The following NRP2 variants were observed in gnomAD, a reference collection of about 807,000 sequenced individuals.
NRP2 encodes the protein neuropilin-2.
NRP2 carries 52 observed loss-of-function variants against 110.4 expected under a neutral mutation model. That is an observed-to-expected ratio of 0.47 (90% CI 0.38 to 0.59). The LOEUF (loss-of-function observed/expected upper bound fraction) is 0.59, where lower values mean the gene tolerates loss of function less well. Among genes scored for constraint, NRP2 ranks in the 20% least tolerant of loss-of-function variants. The pLI, the probability that NRP2 is intolerant of heterozygous loss-of-function variation, is 0.00. For missense variants in NRP2, 1,049 were observed against 1,203.0 expected (o/e 0.87, Z 1.89); for synonymous variants, 508 against 468.9 (o/e 1.08, Z -1.08).
At chr2:205,734,818 C>T (rs1037279045) in intron 7 of NRP2, among the ~76,000 whole-genome samples, 23 of 152,192 alleles carry the variant, frequency 1.5e-4, no homozygotes, top group Admixed American at 3.3e-4. Flanking sequence ...ATCTCGTGCA[C>T]AATGTCTACC....
chr2:205,685,536 G>A (rs573592515), intron 1 of NRP2, among the ~76,000 whole-genome samples: 3 of 152,246 alleles, frequency 2.0e-5, no homozygotes, highest in Non-Finnish European at 4.4e-5. Flanking sequence ...GCGCGGGGGA[G>A]CAACTGAGCA....
At chr2:205,723,969 C>T in intron 5 of NRP2, 29 bp downstream of exon 5, 1 of 1,613,558 alleles carries the variant, frequency 6.2e-7, no homozygotes, top group Non-Finnish European at 8.5e-7. Context: ...AACCTCTGTC[C>T]TGTCCTTCCG....
Position 205,686,266 on chromosome 2 carries a change from G to A in NRP2, c.73+2903G>A, listed in dbSNP as rs1383316696. On this transcript the variant is annotated intron_variant, in intron 1 of 16. Coordinates refer to ENST00000357785, the MANE Select transcript of NRP2 (RefSeq NM_003872.3). The surrounding 1 kb of genome is among the most constrained non-coding windows in gnomAD (Gnocchi z 4.7). ...AGGACACCCCCAGGGAAAAGCCTGC[G>A]GCATTTCTTCAACGCTGCCCTATGC... 6.6e-6 allele frequency among the ~76,000 whole-genome samples: 1 copy of A among 152,118 alleles called. No homozygotes were observed. Among genetic ancestry groups the A allele is most frequent in the African/African-American group, 2.4e-5 (1 of 41,432 alleles).
At chr2:205,765,674 G>T (rs780276291) in intron 14 of NRP2, 104 bp downstream of exon 14, 6 of 973,780 alleles carry the variant, frequency 6.2e-6, no homozygotes, top group Non-Finnish European at 9.9e-6. Context: ...TCGTTACCCA[G>T]TGGGTGGGGC....
rs576104600 is a variant in NRP2, at chr2:205,757,508, C to G, written c.2044+4533C>G. On this transcript the variant is annotated intron_variant, in intron 12 of 16. Coordinates refer to ENST00000357785, the MANE Select transcript of NRP2 (RefSeq NM_003872.3). The stretch of plus-strand genomic sequence containing the variant: ...GTTGCAGAGAAATCAGAGGAAATAA[C>G]TGATGAGTGAATTTACTCATAATGG... Among the ~76,000 whole-genome samples, 285 of 152,210 alleles carry G rather than the reference C, an allele frequency of 1.9e-3. 3 individuals are homozygous for G. The highest frequency in any genetic ancestry group is 6.6e-3 in the African/African-American group (273 of 41,528).
chr2:205,708,660 G>A (rs368670114), intron 2 of NRP2, among the ~76,000 whole-genome samples: 46 of 110,396 alleles, frequency 4.2e-4, no homozygotes, highest in African/African-American at 9.7e-4. Context: ...GTTATTTGTC[G>A]TTTCCATTTT....
At chr2:205,794,343 C>T (rs1011775765) in intron 16 of NRP2, among the ~76,000 whole-genome samples, 4 of 152,174 alleles carry the variant, frequency 2.6e-5, no homozygotes, top group African/African-American at 7.2e-5. Context: ...ATCTCTTGAC[C>T]TCGTGATCTG....
chr2:205,740,683 G>A lies in NRP2; in HGVS notation c.1291+20G>A. 1 of 1,613,632 alleles carries A rather than the reference G, an allele frequency of 6.2e-7. No individual in the cohort carries two copies. Among genetic ancestry groups the A allele is most frequent in the Non-Finnish European group, 8.5e-7 (1 of 1,179,982 alleles). On this transcript the variant is annotated intron_variant, in intron 8 of 16. Coordinates refer to ENST00000357785, the MANE Select transcript of NRP2 (RefSeq NM_003872.3). ...TCACAGGTGAGGTGGGGGCTCCAAT[G>A]AGGTTGGGGTGCTGATTGAGCCCTA...
chr2:205,749,788 A>G lies in NRP2; in HGVS notation c.1850A>G (p.Tyr617Cys). 1.9e-6 allele frequency: 3 copies of G among 1,613,844 alleles called. No individual in the cohort carries two copies. In the East Asian group the frequency reaches 6.7e-5, roughly 36 times the overall value. Reference protein sequence around the residue: ...TVKSEETTTPYPTEEEATECG... With the variant: ...TVKSEETTTPCPTEEEATECG... ...AAGAGCGAAGAGACAACCACCCCCT[A>G]CCCCACCGAAGAGGAGGCCACAGAG... Residue 617 changes from tyrosine to cysteine, a missense_variant, in exon 11 of 17, where the codon TAC (tyrosine) becomes TGC (cysteine). Transcript: ENST00000357785.
intron 16 of NRP2, among the ~76,000 whole-genome samples, chr2:205,793,102 C>T (rs1246113346): frequency 1.3e-5 from 2 of 152,174 alleles, no homozygotes; most frequent in South Asian, 4.1e-4. Context: ...CAAACAGCAC[C>T]TTGTTAACTG....
chr2:205,769,757 T>G (rs1023431631), intron 15 of NRP2, among the ~76,000 whole-genome samples: 1 of 152,182 alleles, frequency 6.6e-6, no homozygotes, highest in African/African-American at 2.4e-5. Flanking sequence ...GCAGTGGCTA[T>G]AAACATGGTG....
intron 12 of NRP2, among the ~76,000 whole-genome samples, chr2:205,758,652 G>GTTTGGGTCA (rs2057772283): frequency 2.0e-5 from 3 of 152,316 alleles, no homozygotes; most frequent in South Asian, 4.2e-4. Flanking sequence ...TTGGGTCAAG[G>GTTTGGGTCA]ACCCAGCGAA....
chr2:205,693,772 C>T (rs1344539021), intron 1 of NRP2, among the ~76,000 whole-genome samples: 3 of 152,128 alleles, frequency 2.0e-5, no homozygotes, highest in South Asian at 2.1e-4. Flanking sequence ...CAGCCAATGG[C>T]CAAGTTTCCC....
chr2:205,721,412 T>C lies in NRP2; in HGVS notation c.434-1066T>C, dbSNP rs2057008828. Among the ~76,000 whole-genome samples, 3 of 152,216 alleles carry C rather than the reference T, an allele frequency of 2.0e-5. No individual in the cohort carries two copies. In the South Asian group the frequency reaches 6.2e-4, roughly 32 times the overall value. On this transcript the variant is annotated intron_variant, in intron 3 of 16. Coordinates refer to ENST00000357785, the MANE Select transcript of NRP2 (RefSeq NM_003872.3). ...AATTCTAATTGTCCAGCACTTTCAT[T>C]CATTGCGTGAATGTGCATGAGCTCG... is the stretch of plus-strand genomic sequence containing the variant.
chr2:205,764,048 A>C, intron 13 of NRP2, 112 bp downstream of exon 13: 2 of 1,366,354 alleles, frequency 1.5e-6, no homozygotes, highest in Non-Finnish European at 1.0e-6. Flanking sequence ...TGTGTTTCTC[A>C]CGTTGCCATG....
rs1485843749 is a variant in NRP2, at chr2:205,797,218, C to T, written c.*2160C>T. On this transcript the variant is annotated 3_prime_UTR_variant, in exon 17 of 17. Coordinates refer to ENST00000357785, the MANE Select transcript of NRP2 (RefSeq NM_003872.3). ...AGAGCTGTCAAGCCCAAGGGCTTAG[C>T]TTTAGGGCTCCTCCTGAGTTCGGCC... 1 of 152,642 alleles carries T rather than the reference C, an allele frequency of 6.6e-6. No homozygotes were observed. Among genetic ancestry groups the T allele is most frequent in the Non-Finnish European group, 1.5e-5 (1 of 68,052 alleles). 9.5% of individuals were successfully genotyped at this position (152,642 alleles called of 1,614,324 possible).
At chr2:205,740,060 C>T (rs1016437722) in intron 7 of NRP2, 3 of 263,206 alleles carry the variant, frequency 1.1e-5, no homozygotes, top group East Asian at 9.9e-5. Flanking sequence ...CAAAAACAAC[C>T]GTGAAGCACT....
intron 1 of NRP2, among the ~76,000 whole-genome samples, chr2:205,691,277 A>G (rs2056310257): frequency 6.6e-6 from 1 of 152,172 alleles, no homozygotes; most frequent in Non-Finnish European, 1.5e-5. Context: ...TCTCAGATGC[A>G]CAGAGGAGAA....
chr2:205,749,899 C>A, intron 11 of NRP2, 58 bp downstream of exon 11: 1 of 1,362,764 alleles, frequency 7.3e-7, no homozygotes, highest in Non-Finnish European at 1.0e-6. Context: ...TGGGAGCTGG[C>A]CTGTGGCTGG....
Sources: allele counts gnomAD v4.1 joint callset (sites outside exome capture counted in the v4.1 genomes callset), GRCh38; gene constraint gnomAD v4.1.1; non-coding constraint Gnocchi (gnomAD v3.1); transcripts MANE v1.5; gene names NCBI Gene and HGNC (gene_info 2026-07-23, HGNC 2026-07-21).